EFCAB6: variants seen among roughly 807,000 people sequenced by gnomAD.
EFCAB6 encodes the protein EF-hand calcium binding domain 6, also known as EF-hand calcium-binding domain-containing protein 6.
In EFCAB6, 156 loss-of-function variants were observed where a neutral mutation model predicts 169.8. The ratio of observed to expected loss-of-function variants is 0.92; its 90% CI spans 0.81 to 1.05. The LOEUF (loss-of-function observed/expected upper bound fraction) is 1.05. EFCAB6 is among the 50% of genes least tolerant of loss of function. The probability of loss-of-function intolerance (pLI) is 0.00; values close to 1 mark genes in which losing one functional copy is unlikely to be tolerated. For synonymous variants in EFCAB6, 698 were observed against 676.4 expected (o/e 1.03, Z -0.50); for missense variants, 1,800 against 1,829.1 (o/e 0.98, Z 0.29).
chr22:43,699,945 T>C (rs1357791885), intron 10 of EFCAB6, among the ~76,000 whole-genome samples: 1 of 152,258 alleles, frequency 6.6e-6, no homozygotes, highest in Non-Finnish European at 1.5e-5. Flanking sequence ...GGACGATGTA[T>C]GATCTCCGGC....
At chr22:43,747,280 C>T (rs966436669) in intron 6 of EFCAB6, among the ~76,000 whole-genome samples, 6 of 152,208 alleles carry the variant, frequency 3.9e-5, no homozygotes, top group Admixed American at 1.3e-4. Context: ...AACACATGCA[C>T]GGAAAGGCTG....
rs778147732 is a variant in EFCAB6 at position 43,530,903 on chromosome 22, A to G, written c.4295T>C (p.Ile1432Thr). 2.5e-6 allele frequency: 4 copies of G among 1,614,114 alleles called. No homozygotes were observed. The highest frequency in any genetic ancestry group is 1.1e-5 in the South Asian group (1 of 91,088). Residue 1432 changes from isoleucine to threonine, a missense_variant, in exon 31 of 32, where the codon ATT becomes ACT. Transcript: ENST00000262726. Reference protein sequence around the residue: ...YSALLRIQPKIVHCWRPMRRT... With the variant: ...YSALLRIQPKTVHCWRPMRRT... ...CCGCATTGGCCTCCAGCAGTGCACA[A>G]TTTTGGGCTGAATACGCAGCAGAGC... is the stretch of plus-strand genomic sequence containing the variant.
rs916818976 is a variant in EFCAB6, at chr22:43,786,329, C to T, written c.-7-4004G>A. On this transcript the variant is annotated intron_variant, in intron 2 of 31. Transcript: ENST00000262726. ...AGTGTGCTGAGATCAATTCACCTAA[C>T]GCTTCACAAATTCTTATGAAAAATA... Among the ~76,000 whole-genome samples, 4 of 152,186 alleles carry T rather than the reference C, an allele frequency of 2.6e-5. No individual in the cohort carries two copies. In the East Asian group the frequency reaches 5.8e-4, roughly 22 times the overall value.
At chr22:43,694,875 T>C (rs997995758) in intron 10 of EFCAB6, among the ~76,000 whole-genome samples, 5 of 152,020 alleles carry the variant, frequency 3.3e-5, no homozygotes, top group African/African-American at 1.2e-4. Flanking sequence ...TGGTGTAAAA[T>C]GGAACGCTTT....
chr22:43,584,869 CTATT>C (rs1047319346), intron 24 of EFCAB6, among the ~76,000 whole-genome samples: 10 of 152,106 alleles, frequency 6.6e-5, no homozygotes, highest in African/African-American at 2.4e-4. Context: ...AACACATACT[CTATT>C]TAAGAAGGAG....
intron 22 of EFCAB6, among the ~76,000 whole-genome samples, chr22:43,604,905 G>T (rs529488397): frequency 8.5e-5 from 13 of 152,290 alleles, no homozygotes; most frequent in Non-Finnish European, 1.5e-4. Context: ...GGATATTTCC[G>T]AGCCTGCTGC....
intron 17 of EFCAB6, among the ~76,000 whole-genome samples, chr22:43,638,079 C>A (rs904456165): frequency 6.6e-6 from 1 of 152,226 alleles, no homozygotes; most frequent in Non-Finnish European, 1.5e-5. Context: ...CACGGAGCAC[C>A]GGAGCACCGC....
At chr22:43,811,229 G>A (rs2063106817) in intron 1 of EFCAB6, among the ~76,000 whole-genome samples, 1 of 150,526 alleles carries the variant, frequency 6.6e-6, no homozygotes, top group Non-Finnish European at 1.5e-5. Flanking sequence ...GCAGTGAGCT[G>A]GGATCGCTGC....
intron 10 of EFCAB6, among the ~76,000 whole-genome samples, chr22:43,703,358 T>A (rs1013839701): frequency 6.6e-6 from 1 of 152,158 alleles, no homozygotes; most frequent in Non-Finnish European, 1.5e-5. Flanking sequence ...ATAATGAATA[T>A]CTATTTCTGC....
chr22:43,699,369 G>A (rs1360170862), intron 10 of EFCAB6, among the ~76,000 whole-genome samples: 3 of 152,102 alleles, frequency 2.0e-5, no homozygotes, highest in African/African-American at 4.8e-5. Context: ...CCCTGTCCTC[G>A]TTCATTTCAG....
chr22:43,765,595 T>C (rs17491102), intron 4 of EFCAB6, among the ~76,000 whole-genome samples: 1,858 of 152,178 alleles, frequency 0.012, 18 homozygotes, highest in African/African-American at 0.016. Context: ...AGAGTGTAAA[T>C]AGCACCCTAG....
At chr22:43,529,519 T>C (rs938338525) in intron 31 of EFCAB6, among the ~76,000 whole-genome samples, 4 of 152,256 alleles carry the variant, frequency 2.6e-5, no homozygotes, top group East Asian at 3.8e-4. Context: ...ACCGGGAACA[T>C]GTCTCAGCCT....
At chr22:43,599,312 C>T (rs1208677083) in intron 23 of EFCAB6, among the ~76,000 whole-genome samples, 2 of 151,970 alleles carry the variant, frequency 1.3e-5, no homozygotes, top group East Asian at 3.9e-4. Flanking sequence ...GAGTTCAAGA[C>T]CAGCCTGGCC....
At chr22:43,670,427 A>G (rs1172284986) in intron 15 of EFCAB6, among the ~76,000 whole-genome samples, 2 of 152,224 alleles carry the variant, frequency 1.3e-5, no homozygotes, top group Non-Finnish European at 2.9e-5. Flanking sequence ...AATGCAGATA[A>G]TAAAAGTACC....
intron 12 of EFCAB6, among the ~76,000 whole-genome samples, chr22:43,679,907 A>G (rs1215171708): frequency 6.6e-6 from 1 of 152,152 alleles, no homozygotes; most frequent in African/African-American, 2.4e-5. Flanking sequence ...TATGATTTGC[A>G]TATATCTTCT....
At chr22:43,562,800 GTGGGAGGGAGGCAGCCCGGTGGGGGA>G (rs1448018828) in intron 26 of EFCAB6, among the ~76,000 whole-genome samples, 1,503 of 132,308 alleles carry the variant, frequency 0.011, 79 homozygotes, top group African/African-American at 0.043. Context: ...CTGGTGCGGG[GTGGGAGGGAGGCAGCCCGGTGGGGGA>G]TGGGAGGGAG....
At chr22:43,777,805 G>GTA (rs2061688770) in intron 3 of EFCAB6, among the ~76,000 whole-genome samples, 1 of 152,180 alleles carries the variant, frequency 6.6e-6, no homozygotes, top group Admixed American at 6.5e-5. Context: ...TTTAAAATAC[G>GTA]TAAAGGAAGA....
At chr22:43,701,256 T>C (rs1219700911) in intron 10 of EFCAB6, among the ~76,000 whole-genome samples, 2 of 152,182 alleles carry the variant, frequency 1.3e-5, no homozygotes, top group Admixed American at 1.3e-4. Flanking sequence ...TGCACAGCAC[T>C]ATTCCCCTCC....
intron 31 of EFCAB6, among the ~76,000 whole-genome samples, 183 bp from the exon 32 acceptor site, chr22:43,529,158 C>T (rs1470762070): frequency 6.6e-6 from 1 of 152,210 alleles, no homozygotes; most frequent in South Asian, 2.1e-4. Flanking sequence ...AAGCAGCCTC[C>T]AAGGGCAGCC....
Sources: allele counts gnomAD v4.1 joint callset (sites outside exome capture counted in the v4.1 genomes callset), GRCh38; gene constraint gnomAD v4.1.1; transcripts MANE v1.5; gene names NCBI Gene and HGNC (gene_info 2026-07-23, HGNC 2026-07-21).